Variants in PCDHA2 observed in about 807,000 individuals in gnomAD.
The protein encoded by PCDHA2 is protocadherin alpha 2.
In PCDHA2, 58 loss-of-function variants were observed where a neutral mutation model predicts 66.0. The ratio of observed to expected loss-of-function variants is 0.88; its 90% confidence interval spans 0.71 to 1.09. The LOEUF (loss-of-function observed/expected upper bound fraction) is 1.09. Ranked by LOEUF, PCDHA2 falls within the 50% of genes least tolerant of loss-of-function variation. The pLI is 0.00. For missense variants in PCDHA2, 1,267 were observed against 1,242.3 expected (o/e 1.02, Z -0.30); for synonymous variants, 634 against 554.0 (o/e 1.14, Z -2.03).
Position 140,884,301 on chromosome 5 carries a change from C to T in PCDHA2, c.2388+86949C>T, listed in dbSNP as rs375535055. On this transcript the variant is annotated intron_variant, in intron 1 of 3. Transcript: ENST00000526136. ...GTGGAGAGCGGCCAAGCGCCACAGG[C>T]TTCGTCGAGGGCGTCGGCAGGCGCT... 4.3e-6 allele frequency: 7 copies of T among 1,613,608 alleles called. No homozygotes were observed. The African/African-American group carries it at 8.0e-5, about 18-fold the overall frequency.
chr5:140,869,030 T>C (rs1049032233), intron 1 of PCDHA2: 5 of 1,526,396 alleles, frequency 3.3e-6, no homozygotes, highest in Non-Finnish European at 4.4e-6. Flanking sequence ...TTCAACGAGA[T>C]TTTTAACCTG....
chr5:140,995,787 T>C (rs2097697894), intron 3 of PCDHA2, among the ~76,000 whole-genome samples: 1 of 152,152 alleles, frequency 6.6e-6, no homozygotes, highest in Non-Finnish European at 1.5e-5. Context: ...AGGTTTAAAA[T>C]TTGTCTCATG....
chr5:140,823,431 G>A, intron 1 of PCDHA2: 1 of 1,613,396 alleles, frequency 6.2e-7, no homozygotes, highest in Non-Finnish European at 8.5e-7. Context: ...CGCTGCAGGT[G>A]TTCGTGCTGG....
intron 1 of PCDHA2, chr5:140,865,437 T>C (rs951308725): frequency 3.3e-5 from 5 of 152,200 alleles, no homozygotes; most frequent in Non-Finnish European, 7.3e-5. Context: ...GAAAAATAAC[T>C]TCTGAGAAGA....
chr5:140,870,852 G>A lies in PCDHA2; in HGVS notation c.2388+73500G>A, dbSNP rs782301779. 4.3e-6 allele frequency: 7 copies of A among 1,613,862 alleles called. No individual in the cohort carries two copies. In the Admixed American group the frequency reaches 1.0e-4, roughly 23 times the overall value. ...CAGTTAACAAGCTAGTACCGCGGTCGGTGGGTGCGGGCCACGTGGTGGCGA... is the reference window on the plus strand; with the variant it reads ...CAGTTAACAAGCTAGTACCGCGGTCAGTGGGTGCGGGCCACGTGGTGGCGA... On this transcript the variant is annotated intron_variant, in intron 1 of 3. Transcript: ENST00000526136.
intron 1 of PCDHA2, among the ~76,000 whole-genome samples, chr5:140,909,815 C>A (rs1168197798): frequency 3.9e-5 from 6 of 152,094 alleles, no homozygotes; most frequent in Non-Finnish European, 8.8e-5. Flanking sequence ...ACTCCATAAG[C>A]CCCTACTTTA....
intron 1 of PCDHA2, among the ~76,000 whole-genome samples, chr5:140,873,578 G>A (rs1175903601): frequency 6.8e-5 from 8 of 117,146 alleles, no homozygotes; most frequent in Non-Finnish European, 1.4e-4. Flanking sequence ...GGTTGTTTAA[G>A]TATTAAGCTA....
intron 1 of PCDHA2, among the ~76,000 whole-genome samples, chr5:140,913,494 T>C (rs1554195964): frequency 6.6e-6 from 1 of 152,116 alleles, no homozygotes; most frequent in Non-Finnish European, 1.5e-5. Flanking sequence ...CATTAGTCTG[T>C]TTAAAACTTT....
At chr5:140,968,665 T>C (rs782078145) in intron 1 of PCDHA2, 4 of 1,614,042 alleles carry the variant, frequency 2.5e-6, no homozygotes, top group Non-Finnish European at 3.4e-6. Context: ...TGGACCTCTT[T>C]AAGGTAGAGC....
chr5:140,886,102 G>A (rs1040004596), intron 1 of PCDHA2, among the ~76,000 whole-genome samples: 17 of 152,136 alleles, frequency 1.1e-4, no homozygotes, highest in Admixed American at 1.3e-4. Flanking sequence ...CATTGATACA[G>A]TAAAGAAGTA....
chr5:140,932,703 G>A (rs1218359293), intron 1 of PCDHA2, among the ~76,000 whole-genome samples: 2 of 151,660 alleles, frequency 1.3e-5, no homozygotes, highest in Non-Finnish European at 3.0e-5. Flanking sequence ...AACTCATATA[G>A]ACAACACAAT....
At chr5:140,926,441 A>T (rs1476576189) in intron 1 of PCDHA2, 1 of 154,800 alleles carries the variant, frequency 6.5e-6, no homozygotes, top group Non-Finnish European at 1.4e-5. Context: ...AGATCTGGGC[A>T]GCCTCAGGGC....
At position 140,827,335 on chromosome 5, in the gene PCDHA2, G is replaced by A. The variant is rs2150147144; in HGVS notation, c.2388+29983G>A. 1.1e-3 allele frequency among the ~76,000 whole-genome samples: 167 copies of A among 152,286 alleles called. 1 individual carries two copies. Among genetic ancestry groups the A allele is most frequent in the African/African-American group, 3.8e-3 (159 of 41,558 alleles). Reference sequence around the variant, plus strand: ...AAATTCCACTAGAATTTGAAGTGGTGAAGTATATGAAAAGAAAATATTTTA... The same window carrying A: ...AAATTCCACTAGAATTTGAAGTGGTAAAGTATATGAAAAGAAAATATTTTA... On this transcript the variant is annotated intron_variant, in intron 1 of 3. Coordinates refer to ENST00000526136, the MANE Select transcript of PCDHA2 (RefSeq NM_018905.3).
At chr5:140,982,253 A>T (rs1209317234) in intron 2 of PCDHA2, 1 of 777,640 alleles carries the variant, frequency 1.3e-6, no homozygotes, top group African/African-American at 1.8e-5. Flanking sequence ...AAGATAGAAC[A>T]TGTGTGTTCC....
intron 1 of PCDHA2, chr5:140,851,075 A>C: frequency 7.4e-7 from 1 of 1,344,688 alleles, no homozygotes; most frequent in South Asian, 2.1e-5. Flanking sequence ...GAGAATTATA[A>C]ACTGTATATT....
chr5:140,958,724 A>G (rs1563299236), intron 1 of PCDHA2, among the ~76,000 whole-genome samples: 1 of 152,188 alleles, frequency 6.6e-6, no homozygotes, highest in Admixed American at 6.5e-5. Context: ...TAAATGTAAC[A>G]CTGAATGGGA....
chr5:140,921,251 AG>A (rs2080121821), intron 1 of PCDHA2, among the ~76,000 whole-genome samples: 1 of 152,192 alleles, frequency 6.6e-6, no homozygotes. Context: ...CAGATCAAAA[AG>A]TCCTAGACTT....
At chr5:140,877,649 C>A (rs369703340) in intron 1 of PCDHA2, 1 of 1,613,438 alleles carries the variant, frequency 6.2e-7, no homozygotes, top group Non-Finnish European at 8.5e-7. Context: ...TGCTCAGCGC[C>A]GCCCACCGTG....
chr5:141,000,387 CTCTCTCTCTATATATA>C (rs1282156924), intron 3 of PCDHA2, among the ~76,000 whole-genome samples: 8 of 66,888 alleles, frequency 1.2e-4, no homozygotes, highest in African/African-American at 4.0e-4. Flanking sequence ...CTCTCTCTCT[CTCTCTCTCTATATATA>C]TATATATATA....
Sources: gnomAD v4.1 joint callset for allele counts (sites outside exome capture counted in the v4.1 genomes callset) on GRCh38, gnomAD v4.1.1 for gene constraint, MANE v1.5 for transcripts, NCBI Gene and HGNC (gene_info 2026-07-23, HGNC 2026-07-21) for gene names.